CDH12: variants seen among roughly 807,000 people sequenced by gnomAD.
CDH12 encodes cadherin 12.
Under a neutral mutation model 74.1 loss-of-function variants are expected in CDH12, and 41 were observed. That is an observed-to-expected ratio of 0.55 (90% CI 0.43 to 0.72). CDH12 has a LOEUF of 0.72. CDH12 is among the 30% of genes least tolerant of loss of function. CDH12 has a pLI of 0.00. For missense variants in CDH12, 945 were observed against 977.2 expected (o/e 0.97, Z 0.44); for synonymous variants, 399 against 355.0 (o/e 1.12, Z -1.39).
intron 5 of CDH12, among the ~76,000 whole-genome samples, chr5:22,074,557 C>A (rs888770359): frequency 5.3e-5 from 8 of 152,110 alleles, no homozygotes; most frequent in African/African-American, 1.9e-4. Flanking sequence ...TTTTTGCCAT[C>A]TACTCATCTG....
At chr5:22,186,154 T>C (rs1204862251) in intron 4 of CDH12, among the ~76,000 whole-genome samples, 6 of 152,246 alleles carry the variant, frequency 3.9e-5, no homozygotes, top group Admixed American at 2.0e-4. Context: ...ACTGCCTTCT[T>C]GTATGTGCGG....
chr5:22,404,567 TA>T (rs1272826340), intron 3 of CDH12, among the ~76,000 whole-genome samples: 1 of 152,196 alleles, frequency 6.6e-6, no homozygotes, highest in Non-Finnish European at 1.5e-5. Flanking sequence ...TGTATTTGAT[TA>T]AAACTGCTAT....
At chr5:22,163,584 T>C (rs1748487677) in intron 4 of CDH12, among the ~76,000 whole-genome samples, 1 of 152,198 alleles carries the variant, frequency 6.6e-6, no homozygotes, top group Non-Finnish European at 1.5e-5. Flanking sequence ...ATTGGTAGAA[T>C]ACTGCCCCAA....
intron 1 of CDH12, among the ~76,000 whole-genome samples, chr5:22,696,370 C>CAAAA (rs1313736569): frequency 2.5e-4 from 24 of 96,488 alleles, no homozygotes; most frequent in African/African-American, 6.7e-4. Context: ...GACTCCGTCT[C>CAAAA]AAAAAAAAAA....
chr5:22,733,825 C>T (rs545523599), intron 1 of CDH12, among the ~76,000 whole-genome samples: 2 of 151,918 alleles, frequency 1.3e-5, no homozygotes, highest in African/African-American at 4.8e-5. Context: ...TTATTTTAGC[C>T]TCTTCTTTCT....
intron 4 of CDH12, among the ~76,000 whole-genome samples, chr5:22,162,736 C>T (rs560264026): frequency 1.3e-5 from 2 of 152,182 alleles, no homozygotes; most frequent in South Asian, 4.1e-4. Flanking sequence ...GCCCTTAGTG[C>T]AGGTTTGTCA....
chr5:22,451,830 A>G (rs775236369), intron 2 of CDH12, among the ~76,000 whole-genome samples: 2 of 151,880 alleles, frequency 1.3e-5, no homozygotes, highest in African/African-American at 2.4e-5. Flanking sequence ...GACTCCACCA[A>G]TGAAGTAGTG....
intron 3 of CDH12, among the ~76,000 whole-genome samples, chr5:22,290,833 T>C (rs1215637528): frequency 6.6e-6 from 1 of 151,990 alleles, no homozygotes; most frequent in Non-Finnish European, 1.5e-5. Flanking sequence ...AACAGGCCAA[T>C]AATGAGTAAG....
At position 22,590,282 on chromosome 5, in the gene CDH12, T is replaced by C. The variant is rs190127323; in HGVS notation, c.-522-84918A>G. Among the ~76,000 whole-genome samples, 157 of 152,158 alleles carry C rather than the reference T, an allele frequency of 1.0e-3. 1 individual carries two copies. In the East Asian group the frequency reaches 0.015, roughly 15 times the overall value. On this transcript the variant is annotated intron_variant, in intron 1 of 14. Coordinates refer to ENST00000382254, the MANE Select transcript of CDH12 (RefSeq NM_004061.5). ...ATCTAAAGATCATGAGCCTCAAAAATGAAAGCAAAAAGAAAAAGAGAGAAC... is the reference window on the plus strand; with the variant it reads ...ATCTAAAGATCATGAGCCTCAAAAACGAAAGCAAAAAGAAAAAGAGAGAAC...
intron 5 of CDH12, among the ~76,000 whole-genome samples, chr5:22,071,775 G>A (rs979501317): frequency 6.6e-6 from 1 of 152,042 alleles, no homozygotes; most frequent in African/African-American, 2.4e-5. Flanking sequence ...TAAGGGCATA[G>A]GATGTTCAAC....
intron 1 of CDH12, among the ~76,000 whole-genome samples, chr5:22,688,723 G>T (rs1308288017): frequency 2.6e-5 from 4 of 151,932 alleles, no homozygotes; most frequent in Non-Finnish European, 4.4e-5. Context: ...ATAGGATGTT[G>T]TATAACTTTA....
intron 1 of CDH12, among the ~76,000 whole-genome samples, chr5:22,809,482 T>C (rs1376135575): frequency 6.6e-6 from 1 of 151,852 alleles, no homozygotes; most frequent in Admixed American, 6.6e-5. Context: ...TTTAAATATA[T>C]GCTTATCTGT....
intron 1 of CDH12, among the ~76,000 whole-genome samples, chr5:22,762,370 T>G (rs1746272011): frequency 6.6e-6 from 1 of 152,144 alleles, no homozygotes; most frequent in South Asian, 2.1e-4. Context: ...TTGTTAGTTG[T>G]TAGATTTAAT....
chr5:22,461,852 A>G (rs1329222723), intron 2 of CDH12, among the ~76,000 whole-genome samples: 1 of 151,390 alleles, frequency 6.6e-6, no homozygotes, highest in East Asian at 1.9e-4. Context: ...ATTAAATGTT[A>G]TATGAGCATA....
chr5:22,824,740 T>C (rs1456267829), intron 1 of CDH12, among the ~76,000 whole-genome samples: 2 of 151,606 alleles, frequency 1.3e-5, no homozygotes, highest in African/African-American at 4.8e-5. Context: ...CAAAATAAGA[T>C]AGAGAAAAAA....
intron 1 of CDH12, among the ~76,000 whole-genome samples, chr5:22,749,002 T>A (rs1745427012): frequency 6.6e-6 from 1 of 152,094 alleles, no homozygotes; most frequent in African/African-American, 2.4e-5. Flanking sequence ...GAGACATCAT[T>A]GATGTGGGAA....
intron 1 of CDH12, among the ~76,000 whole-genome samples, chr5:22,652,178 A>C (rs886601774): frequency 1.3e-5 from 2 of 152,140 alleles, no homozygotes; most frequent in African/African-American, 4.8e-5. Context: ...ACAGTGTAAC[A>C]GTGTAGTGAG....
At chr5:21,934,597 C>T (rs1754988737) in intron 6 of CDH12, among the ~76,000 whole-genome samples, 1 of 152,098 alleles carries the variant, frequency 6.6e-6, no homozygotes, top group Non-Finnish European at 1.5e-5. Context: ...TATATATGCA[C>T]ACAAAGTTAT....
chr5:22,773,423 A>C (rs1427817963), intron 1 of CDH12, among the ~76,000 whole-genome samples: 3 of 152,146 alleles, frequency 2.0e-5, no homozygotes, highest in Admixed American at 6.6e-5. Flanking sequence ...TATTCAATAG[A>C]TGGTGCTGGG....
Sources: gnomAD v4.1 joint callset for allele counts (sites outside exome capture counted in the v4.1 genomes callset) on GRCh38, gnomAD v4.1.1 for gene constraint, MANE v1.5 for transcripts, NCBI Gene and HGNC (gene_info 2026-07-23, HGNC 2026-07-21) for gene names.